COL6A6: variants seen among roughly 807,000 people sequenced by gnomAD.
COL6A6 encodes the protein collagen alpha-6(VI) chain.
In COL6A6, 183 loss-of-function variants were observed where a neutral mutation model predicts 208.6. The observed-to-expected ratio is 0.88, with a 90% confidence interval of 0.78 to 0.99. COL6A6 has a LOEUF of 0.99. COL6A6 is among the 50% of genes least tolerant of loss of function. COL6A6 has a pLI of 0.00. For synonymous variants in COL6A6, 973 were observed against 1,011.8 expected (o/e 0.96, Z 0.73); for missense variants, 2,816 against 2,815.2 (o/e 1.00, Z -0.01).
At chr3:130,580,422 C>A (rs1383787393) in intron 8 of COL6A6, among the ~76,000 whole-genome samples, 1 of 152,092 alleles carries the variant, frequency 6.6e-6, no homozygotes, top group Non-Finnish European at 1.5e-5. Context: ...TTCCCTCAGT[C>A]AATTCTCATT....
intron 2 of COL6A6, 72 bp from the exon 3 acceptor site, chr3:130,562,996 T>G: frequency 9.2e-7 from 1 of 1,089,652 alleles, no homozygotes; most frequent in Non-Finnish European, 1.3e-6. Context: ...TTCCCCGCCA[T>G]AGAGTTGGCA....
rs544598809 is a variant in COL6A6 at position 130,535,739 on chromosome 3, C to A, written c.-32+18342C>A. On this transcript the variant is annotated intron_variant, in intron 1 of 36. Coordinates refer to ENST00000358511, the MANE Select transcript of COL6A6 (RefSeq NM_001102608.3). ...ATTCCTCAGTTTGGGACTCCTGTAC[C>A]ATATGGATTTTGTAGGGTGAAGCCC... Among the ~76,000 whole-genome samples, 18 of 152,254 alleles carry A rather than the reference C, an allele frequency of 1.2e-4. 1 individual carries two copies. In the South Asian group the frequency reaches 3.7e-3, roughly 32 times the overall value.
chr3:130,651,308 C>G (rs1018401688), intron 33 of COL6A6, among the ~76,000 whole-genome samples: 1 of 151,888 alleles, frequency 6.6e-6, no homozygotes, highest in Non-Finnish European at 1.5e-5. Context: ...TGCCTGTAAT[C>G]CCAGCTACTC....
Position 130,662,131 on chromosome 3 carries a change from A to G in COL6A6, c.6325A>G (p.Lys2109Glu), listed in dbSNP as rs750931708. Reference protein sequence around the residue: ...EILKKESLRAKCQGYALFVFS... With the variant: ...EILKKESLRAECQGYALFVFS... Reference sequence around the variant, plus strand: ...CTTAAAGAAGGAATCCTTGCGAGCCAAATGTCAGGGATATGCCTTATTTGT... The same window carrying G: ...CTTAAAGAAGGAATCCTTGCGAGCCGAATGTCAGGGATATGCCTTATTTGT... Residue 2109 changes from lysine to glutamate, a missense_variant, in exon 35 of 37, where the codon AAA becomes GAA. Physicochemically the swap from Lys to Glu is moderately conservative, Grantham distance 56. Coordinates refer to ENST00000358511, the MANE Select transcript of COL6A6 (RefSeq NM_001102608.3). 1.2e-6 allele frequency: 2 copies of G among 1,614,042 alleles called. No homozygotes were observed. The highest frequency in any genetic ancestry group is 1.7e-6 in the Non-Finnish European group (2 of 1,179,890).
At chr3:130,531,811 AG>A (rs2062103410) in intron 1 of COL6A6, among the ~76,000 whole-genome samples, 1 of 152,216 alleles carries the variant, frequency 6.6e-6, no homozygotes, top group Admixed American at 6.5e-5. Context: ...GCTGAATTTC[AG>A]TGTTAACATC....
intron 1 of COL6A6, among the ~76,000 whole-genome samples, chr3:130,539,631 T>C (rs1401007327): frequency 4.2e-5 from 2 of 47,918 alleles, no homozygotes; most frequent in African/African-American, 8.7e-5. Context: ...AGACTCCGTC[T>C]CAAAAAAAAA....
rs572405935 is a variant in COL6A6 at position 130,518,468 on chromosome 3, G to C, written c.-32+1071G>C. 2.6e-5 allele frequency among the ~76,000 whole-genome samples: 4 copies of C among 152,270 alleles called. No homozygotes were observed. In the East Asian group the frequency reaches 7.7e-4, roughly 29 times the overall value. On this transcript the variant is annotated intron_variant, in intron 1 of 36. Transcript: ENST00000358511. ...TAAATAATGTTCTTTAAAATACACA[G>C]CCTTAATAGTTCTTGTCTTTATAAA...
chr3:130,639,073 T>C (rs970978973), intron 28 of COL6A6, among the ~76,000 whole-genome samples: 1 of 152,178 alleles, frequency 6.6e-6, no homozygotes, highest in Admixed American at 6.5e-5. Flanking sequence ...GGTGTATTAG[T>C]ATTAATTTTC....
intron 20 of COL6A6, among the ~76,000 whole-genome samples, chr3:130,602,177 C>T (rs1576308851): frequency 6.6e-6 from 1 of 152,192 alleles, no homozygotes; most frequent in East Asian, 1.9e-4. Context: ...ACTTAAGGGG[C>T]TTCATATGAG....
At chr3:130,652,888 T>TC (rs1369034090) in intron 33 of COL6A6, among the ~76,000 whole-genome samples, 1 of 152,220 alleles carries the variant, frequency 6.6e-6, no homozygotes, top group Non-Finnish European at 1.5e-5. Flanking sequence ...AGTTAAGTAG[T>TC]CCATCATGAA....
In COL6A6 at chr3:130,665,070, A is replaced by C; in HGVS notation, c.6570A>C (p.Pro2190=). The C allele has an allele frequency of 6.2e-7, 1 of 1,611,094 alleles. No homozygotes were observed. The highest frequency in any genetic ancestry group is 1.3e-5 in the African/African-American group (1 of 74,988). Reference sequence around the variant, plus strand: ...GCAACAGACTTAACTCTATAGATCCAAAGCAGCCCCCACGACCATTCCGAA... The same window carrying C: ...GCAACAGACTTAACTCTATAGATCCCAAGCAGCCCCCACGACCATTCCGAA... ...IKCNRLNSID[P]KQPPRPFRSF... is the part of the protein sequence containing the mutation. Residue 2190 remains proline (P), a synonymous_variant, in exon 36 of 37, where the codon CCA becomes CCC. Transcript: ENST00000358511.
chr3:130,526,216 C>T (rs2107681442), intron 1 of COL6A6, among the ~76,000 whole-genome samples: 1 of 152,088 alleles, frequency 6.6e-6, no homozygotes, highest in Non-Finnish European at 1.5e-5. Context: ...GGGGAGGTGA[C>T]ATTTGAGCAG....
At chr3:130,578,283 A>G (rs1452448530) in intron 8 of COL6A6, among the ~76,000 whole-genome samples, 1 of 152,160 alleles carries the variant, frequency 6.6e-6, no homozygotes, top group African/African-American at 2.4e-5. Flanking sequence ...AGATGTGAAA[A>G]ATATAAGGAA....
intron 8 of COL6A6, among the ~76,000 whole-genome samples, chr3:130,577,143 A>G (rs2063316436): frequency 6.6e-6 from 1 of 152,180 alleles, no homozygotes. Flanking sequence ...TAAGCACTTT[A>G]AATGTACTAT....
chr3:130,584,923 C>A (rs1289965757), intron 10 of COL6A6, among the ~76,000 whole-genome samples: 3 of 151,686 alleles, frequency 2.0e-5, no homozygotes. Context: ...CTCTTTCTTT[C>A]TTCCACTGCA....
chr3:130,672,384 A>T (rs78532535), intron 36 of COL6A6, among the ~76,000 whole-genome samples: 1,517 of 151,292 alleles, frequency 0.01, 14 homozygotes, highest in South Asian at 0.029. Flanking sequence ...AAGTCTTACA[A>T]TTCTCAAATT....
Position 130,549,506 on chromosome 3 carries a change from G to A in COL6A6, c.-31-10828G>A, listed in dbSNP as rs554562998. ...TAGTATTTCCTAGGTTATCTTCCAG[G>A]GTTTTTGTACTTGAGGGTTTTACAT... On this transcript the variant is annotated intron_variant, in intron 1 of 36. Coordinates refer to ENST00000358511, the MANE Select transcript of COL6A6 (RefSeq NM_001102608.3). 3.3e-5 allele frequency among the ~76,000 whole-genome samples: 5 copies of A among 152,004 alleles called. No homozygotes were observed. In the East Asian group the frequency reaches 9.6e-4, roughly 29 times the overall value.
intron 13 of COL6A6, 36 bp downstream of exon 13, chr3:130,591,130 TAA>T: frequency 7.1e-7 from 1 of 1,409,762 alleles, no homozygotes; most frequent in Non-Finnish European, 9.9e-7. Context: ...CATTTATCCC[TAA>T]AAACATCTAC....
At chr3:130,551,887 C>T (rs1045064660) in intron 1 of COL6A6, among the ~76,000 whole-genome samples, 4 of 152,076 alleles carry the variant, frequency 2.6e-5, no homozygotes, top group Admixed American at 2.6e-4. Context: ...CAAAGATCTT[C>T]TTAATTTCTG....
Sources: gnomAD v4.1 joint callset for allele counts (sites outside exome capture counted in the v4.1 genomes callset) on GRCh38, gnomAD v4.1.1 for gene constraint, MANE v1.5 for transcripts, NCBI Gene and HGNC (gene_info 2026-07-23, HGNC 2026-07-21) for gene names.